KIAA1671: variants seen among roughly 807,000 people sequenced by gnomAD.
The protein encoded by KIAA1671 is uncharacterized protein KIAA1671.
KIAA1671 carries 52 observed loss-of-function variants against 131.2 expected under a neutral mutation model. The ratio of observed to expected loss-of-function variants is 0.40; its 90% CI spans 0.32 to 0.50. The LOEUF is 0.50. Among genes scored for constraint, KIAA1671 ranks in the 20% least tolerant of loss-of-function variants. The pLI is 0.73. For synonymous variants in KIAA1671, 1,003 were observed against 961.6 expected, an observed-to-expected ratio of 1.04 and a Z score of -0.80; for missense variants, 2,360 against 2,364.2, an observed-to-expected ratio of 1.00 and a Z score of 0.04.
At chr22:25,018,792 T>C (rs1925487083) in intron 1 of KIAA1671, among the ~76,000 whole-genome samples, 1 of 152,212 alleles carries the variant, frequency 6.6e-6, no homozygotes, top group Non-Finnish European at 1.5e-5. Flanking sequence ...GATTATATTT[T>C]GTTTATCCAT....
At chr22:25,174,163 C>T (rs1933943118) in intron 7 of KIAA1671, 77 bp from the exon 8 acceptor site, 1 of 1,468,842 alleles carries the variant, frequency 6.8e-7, no homozygotes, top group African/African-American at 1.4e-5. Flanking sequence ...ATGCTGCCTG[C>T]AGCATCCTTC....
intron 6 of KIAA1671, among the ~76,000 whole-genome samples, chr22:25,099,545 G>GTTTTTTTT (rs58721361): frequency 2.8e-5 from 1 of 35,374 alleles, no homozygotes; most frequent in Non-Finnish European, 5.0e-5. Flanking sequence ...GGGTTTTTTT[G>GTTTTTTTT]TTTTTTTTTT....
intron 6 of KIAA1671, among the ~76,000 whole-genome samples, chr22:25,113,521 C>T (rs1931493470): frequency 6.6e-6 from 1 of 152,112 alleles, no homozygotes; most frequent in Non-Finnish European, 1.5e-5. Flanking sequence ...AGGGAGGAGC[C>T]CTGAGCTGGC....
At chr22:25,000,209 T>G (rs1924375453) in intron 1 of KIAA1671, among the ~76,000 whole-genome samples, 1 of 72,264 alleles carries the variant, frequency 1.4e-5, no homozygotes, top group African/African-American at 5.0e-5. Flanking sequence ...TTTTTTTTTT[T>G]TTGAGACGGA....
chr22:25,026,657 G>A (rs1407981748), intron 2 of KIAA1671, among the ~76,000 whole-genome samples: 1 of 152,044 alleles, frequency 6.6e-6, no homozygotes, highest in African/African-American at 2.4e-5. Context: ...TTGAACCTGG[G>A]AGGCAGAAGT....
At chr22:25,005,356 A>G (rs910182621) in intron 1 of KIAA1671, among the ~76,000 whole-genome samples, 2 of 151,774 alleles carry the variant, frequency 1.3e-5, no homozygotes, top group Non-Finnish European at 2.9e-5. Flanking sequence ...TAAAAAAAAA[A>G]AAAAAAAAGA....
intron 11 of KIAA1671, chr22:25,186,140 TAAG>T (rs1307343987): frequency 6.6e-6 from 1 of 152,232 alleles, no homozygotes; most frequent in Non-Finnish European, 1.5e-5. Context: ...ACTGCAGAGT[TAAG>T]AAGTAGCACA....
In KIAA1671 at chr22:25,189,889, G is replaced by A. The variant is rs147150227; in HGVS notation, c.5343-813G>A. On this transcript the variant is annotated intron_variant, in intron 11 of 12. Transcript: ENST00000358431. The stretch of plus-strand genomic sequence containing the variant: ...TGCCTCCCTAAGTGTTGGAGTTACA[G>A]GCATGAGCCACTGTGTCCAACCAAG... Among the ~76,000 whole-genome samples the A allele has an allele frequency of 2.8e-3, 425 of 152,252 alleles. 1 individual carries two copies. The highest frequency in any genetic ancestry group is 4.8e-3 in the Non-Finnish European group (328 of 68,024).
At chr22:25,111,580 G>A (rs1387350425) in intron 6 of KIAA1671, among the ~76,000 whole-genome samples, 1 of 152,234 alleles carries the variant, frequency 6.6e-6, no homozygotes, top group Non-Finnish European at 1.5e-5. Flanking sequence ...GACAGGTTTG[G>A]AATCTCCAGC....
Position 25,055,827 on chromosome 22 carries a change from GATAGAT to G in KIAA1671, c.4530+6471_4530+6476del, listed in dbSNP as rs1289200461. 2.8e-5 allele frequency: 4 copies of G among 143,904 alleles called. 1 individual carries two copies. Among genetic ancestry groups the G allele is most frequent in the African/African-American group, 1.0e-4 (4 of 39,336 alleles). 8.9% of individuals were successfully genotyped at this position (143,904 alleles called of 1,614,324 possible). On this transcript the variant is annotated intron_variant, in intron 6 of 12. Transcript: ENST00000358431. ...AGATATAGATATAGATATAGATATAGATAGATATAGATACAGATACAGATATAGAGA... is the reference window on the plus strand; with the variant it reads ...AGATATAGATATAGATATAGATATAGATAGATACAGATACAGATATAGAGA...
chr22:25,142,437 C>CAT (rs1172517555), intron 6 of KIAA1671, among the ~76,000 whole-genome samples: 2 of 152,200 alleles, frequency 1.3e-5, no homozygotes, highest in East Asian at 3.8e-4. Context: ...CCAACAATTC[C>CAT]ATGGTCACCA....
At chr22:25,151,130 G>A (rs1933025313) in intron 6 of KIAA1671, among the ~76,000 whole-genome samples, 1 of 151,746 alleles carries the variant, frequency 6.6e-6, no homozygotes, top group South Asian at 2.1e-4. Flanking sequence ...CACTGCGCCC[G>A]GCCCCTTTGC....
chr22:25,179,500 C>T (rs1380172572), intron 9 of KIAA1671: 8 of 1,612,048 alleles, frequency 5.0e-6, no homozygotes, highest in East Asian at 2.2e-5. Context: ...TGTGCAGCAC[C>T]TCCCGCTCGT....
chr22:25,146,232 A>G (rs1272860711), intron 6 of KIAA1671, among the ~76,000 whole-genome samples: 1 of 152,200 alleles, frequency 6.6e-6, no homozygotes, highest in Non-Finnish European at 1.5e-5. Flanking sequence ...AGTTGCCCAA[A>G]GTCACACGGC....
chr22:25,007,100 C>T (rs911490538), intron 1 of KIAA1671, among the ~76,000 whole-genome samples: 2 of 152,076 alleles, frequency 1.3e-5, no homozygotes, highest in Non-Finnish European at 2.9e-5. Context: ...CAGCACCAGA[C>T]CATGCCTCAA....
In KIAA1671 at chr22:25,125,589, G is replaced by A. The variant is rs890249857; in HGVS notation, c.4531-45231G>A. ...CATGGTGACATTGACGTTCGGGGCT[G>A]GATAATTCTCTGTCATAGGGAGCTG... On this transcript the variant is annotated intron_variant, in intron 6 of 12. Coordinates refer to ENST00000358431, the MANE Select transcript of KIAA1671 (RefSeq NM_001145206.2). Among the ~76,000 whole-genome samples the A allele has an allele frequency of 2.6e-5, 4 of 152,190 alleles. No homozygotes were observed. The East Asian group carries it at 7.7e-4, about 29-fold the overall frequency.
chr22:25,181,641 G>T, intron 9 of KIAA1671, 58 bp from the exon 10 acceptor site: 1 of 1,546,032 alleles, frequency 6.5e-7, no homozygotes, highest in Non-Finnish European at 8.8e-7. Context: ...TATCTGGCAT[G>T]TAGGACCTCA....
intron 11 of KIAA1671, 70 bp downstream of exon 11, chr22:25,185,189 C>T: frequency 2.8e-6 from 4 of 1,430,264 alleles, no homozygotes; most frequent in Non-Finnish European, 3.7e-6. Flanking sequence ...GAGGTGCTCG[C>T]ATAGGTTTTA....
intron 6 of KIAA1671, among the ~76,000 whole-genome samples, chr22:25,130,588 AAAG>A (rs1222401235): frequency 1.3e-5 from 2 of 152,220 alleles, no homozygotes; most frequent in Non-Finnish European, 2.9e-5. Flanking sequence ...ATTGCTAAAA[AAAG>A]AAGTCCCATC....
Sources: gnomAD v4.1 joint callset for allele counts (sites outside exome capture counted in the v4.1 genomes callset) on GRCh38, gnomAD v4.1.1 for gene constraint, MANE v1.5 for transcripts, NCBI Gene and HGNC (gene_info 2026-07-23, HGNC 2026-07-21) for gene names.